The following ARIH2 variants were observed in gnomAD, a reference collection of about 807,000 sequenced individuals.
ARIH2 encodes the protein E3 ubiquitin-protein ligase ARIH2.
ARIH2 carries 12 observed loss-of-function variants against 79.8 expected under a neutral mutation model. The observed-to-expected ratio is 0.15, with a 90% confidence interval of 0.10 to 0.24. ARIH2 has a LOEUF of 0.24. Ranked by LOEUF, ARIH2 falls within the 10% of genes least tolerant of loss-of-function variation. ARIH2 has a pLI of 1.00. For synonymous variants in ARIH2, 224 were observed against 213.9 expected (o/e 1.05, Z -0.41); for missense variants, 301 against 618.3 (o/e 0.49, Z 5.44).
chr3:48,929,452 G>T (rs192738227), intron 3 of ARIH2, among the ~76,000 whole-genome samples: 1 of 151,228 alleles, frequency 6.6e-6, no homozygotes, highest in African/African-American at 2.4e-5. Flanking sequence ...CTTTCCCTTC[G>T]CCGCCTCATC....
At chr3:48,933,541 CTTTTTTTTTT>C (rs779068845) in intron 3 of ARIH2, among the ~76,000 whole-genome samples, 2 of 125,852 alleles carry the variant, frequency 1.6e-5, no homozygotes, top group African/African-American at 5.9e-5. Context: ...ATATTGCTCA[CTTTTTTTTTT>C]TTTTTTTTTT....
chr3:48,962,046 G>T (rs2091322887), intron 4 of ARIH2, among the ~76,000 whole-genome samples: 1 of 152,146 alleles, frequency 6.6e-6, no homozygotes, highest in Admixed American at 6.6e-5. Context: ...TCAACTTGAG[G>T]ATTGTATCAT....
At chr3:48,940,998 T>C (rs2088104104) in intron 3 of ARIH2, among the ~76,000 whole-genome samples, 1 of 150,062 alleles carries the variant, frequency 6.7e-6, no homozygotes, top group African/African-American at 2.4e-5. Context: ...TGAAACCCCG[T>C]CTCTACTGAA....
chr3:48,966,678 T>C (rs1234891754), intron 5 of ARIH2, among the ~76,000 whole-genome samples: 2 of 152,212 alleles, frequency 1.3e-5, no homozygotes, highest in Non-Finnish European at 2.9e-5. Context: ...ATTTATAAAC[T>C]CATCCTCTAA....
intron 3 of ARIH2, among the ~76,000 whole-genome samples, chr3:48,942,547 G>A (rs1288142190): frequency 6.6e-6 from 1 of 151,292 alleles, no homozygotes; most frequent in African/African-American, 2.4e-5. Context: ...CCGTTGCCCA[G>A]GCTGGAGTGC....
At chr3:48,940,648 A>AT (rs2087985141) in intron 3 of ARIH2, among the ~76,000 whole-genome samples, 1 of 151,760 alleles carries the variant, frequency 6.6e-6, no homozygotes, top group Non-Finnish European at 1.5e-5. Flanking sequence ...TACAAAAATT[A>AT]GTCAGGCATG....
At chr3:48,952,427 G>A (rs2090079505) in intron 3 of ARIH2, among the ~76,000 whole-genome samples, 1 of 152,142 alleles carries the variant, frequency 6.6e-6, no homozygotes. Flanking sequence ...AACTGATCCT[G>A]GCAAGAGTTA....
chr3:48,964,807 T>C, intron 4 of ARIH2, 112 bp from the exon 5 acceptor site: 4 of 802,554 alleles, frequency 5.0e-6, no homozygotes, highest in Non-Finnish European at 8.1e-6. Context: ...CTTAGTTCTG[T>C]GAGAAAGTAG....
At position 48,973,761 on chromosome 3, in the gene ARIH2, C is replaced by T. The variant is rs750666445; in HGVS notation, c.833C>T (p.Thr278Met). 11 of 1,613,956 alleles carry T rather than the reference C, an allele frequency of 6.8e-6. No individual in the cohort carries two copies. Among genetic ancestry groups the T allele is most frequent in the Admixed American group, 3.3e-5 (2 of 59,998 alleles). ...TGTGCCACAATCCGGAAATGGCTCA[C>T]GAAGTGTGCAGACGACTCTGAAACA... The part of the protein sequence containing the change: ...TDCATIRKWL[T>M]KCADDSETAN... Residue 278 changes from threonine to methionine, a missense_variant, in exon 9 of 16, where the codon ACG becomes ATG. Transcript: ENST00000356401.
Position 48,949,183 on chromosome 3 carries a change from TCTCGG to T in ARIH2, c.256-12425_256-12421del, listed in dbSNP as rs2089628527. On this transcript the variant is annotated intron_variant, in intron 3 of 15. Transcript: ENST00000356401. Reference sequence around the variant, plus strand: ...CCTAGGCTGGAGTGCAGTGGCACGATCTCGGCTCACTGCAAGCTCCACCTCCTGGG... The same window carrying T: ...CCTAGGCTGGAGTGCAGTGGCACGATCTCACTGCAAGCTCCACCTCCTGGG... 1.6e-5 allele frequency: 7 copies of T among 445,502 alleles called. No individual in the cohort carries two copies. The Admixed American group carries it at 1.7e-4, about 11-fold the overall frequency. The allele number at this position is 445,502 out of a possible 1,614,324, so 27.6% of individuals were successfully genotyped here.
intron 3 of ARIH2, chr3:48,945,278 C>T: frequency 8.8e-7 from 1 of 1,137,804 alleles, no homozygotes; most frequent in Non-Finnish European, 1.2e-6. Context: ...TTAACTTGTC[C>T]TTGAGGGCTG....
Position 48,953,980 on chromosome 3 carries a change from A to G in ARIH2, c.256-7632A>G, listed in dbSNP as rs375142645. On this transcript the variant is annotated intron_variant, in intron 3 of 15. Transcript: ENST00000356401. Reference sequence around the variant, plus strand: ...GGAGTTTGAGACCAGCCTGGCCAACATGGTGAAACACTCTCTACTAAAATA... The same window carrying G: ...GGAGTTTGAGACCAGCCTGGCCAACGTGGTGAAACACTCTCTACTAAAATA... Among the ~76,000 whole-genome samples, 46 of 151,116 alleles carry G rather than the reference A, an allele frequency of 3.0e-4. 1 individual carries two copies. In the East Asian group the frequency reaches 6.2e-3, roughly 20 times the overall value.
chr3:48,960,998 A>C (rs2091187643), intron 3 of ARIH2, among the ~76,000 whole-genome samples: 1 of 152,198 alleles, frequency 6.6e-6, no homozygotes, highest in Admixed American at 6.5e-5. Context: ...GAGGTTCTTT[A>C]GTAGCTATAA....
intron 3 of ARIH2, among the ~76,000 whole-genome samples, chr3:48,950,464 T>G (rs975988645): frequency 3.3e-5 from 5 of 152,244 alleles, no homozygotes; most frequent in South Asian, 2.1e-4. Context: ...TCAGATGGTG[T>G]AAGTCTTTCA....
At chr3:48,919,122 C>T (rs748687160) in intron 1 of ARIH2, 124 bp downstream of exon 1, 27 of 1,291,080 alleles carry the variant, frequency 2.1e-5, no homozygotes, top group Non-Finnish European at 2.3e-5. Flanking sequence ...CCCGGGCGCT[C>T]CCCGTCGCCG....
chr3:48,940,987 G>A (rs372724146), intron 3 of ARIH2, among the ~76,000 whole-genome samples: 2 of 150,566 alleles, frequency 1.3e-5, no homozygotes, highest in African/African-American at 4.9e-5. Context: ...GGCTAACATG[G>A]TGAAACCCCG....
At chr3:48,949,179 A>C (rs556582022) in intron 3 of ARIH2, 2 of 445,484 alleles carry the variant, frequency 4.5e-6, no homozygotes, top group Non-Finnish European at 9.0e-6. Context: ...GTGCAGTGGC[A>C]CGATCTCGGC....
rs1249077640 is a variant in ARIH2, at chr3:48,974,886, A to G, written c.939+19A>G. On this transcript the variant is annotated intron_variant, in intron 10 of 15. Transcript: ENST00000356401. Reference sequence around the variant, plus strand: ...TCACATGGTGAGCAGAAGCCTCTGCAGTTTGCATGTGTGACATGGAAGCTT... The same window carrying G: ...TCACATGGTGAGCAGAAGCCTCTGCGGTTTGCATGTGTGACATGGAAGCTT... The G allele has an allele frequency of 4.3e-6, 7 of 1,614,184 alleles. No individual in the cohort carries two copies. The highest frequency in any genetic ancestry group is 1.7e-6 in the Non-Finnish European group (2 of 1,180,028).
intron 3 of ARIH2, among the ~76,000 whole-genome samples, chr3:48,959,354 G>A (rs1310056481): frequency 6.6e-6 from 1 of 150,734 alleles, no homozygotes; most frequent in Non-Finnish European, 1.5e-5. Flanking sequence ...AAATAAAAAA[G>A]CTGTTTGTAT....
Sources: gnomAD v4.1 joint callset for allele counts (sites outside exome capture counted in the v4.1 genomes callset) on GRCh38, gnomAD v4.1.1 for gene constraint, MANE v1.5 for transcripts, NCBI Gene and HGNC (gene_info 2026-07-23, HGNC 2026-07-21) for gene names.